Variants in TENM2 observed in about 807,000 individuals in gnomAD.
TENM2 encodes teneurin-2.
In TENM2, 52 loss-of-function variants were observed where a neutral mutation model predicts 245.2. That is an observed-to-expected ratio of 0.21 (90% CI 0.17 to 0.27). The LOEUF is 0.27. Ranked by LOEUF, TENM2 falls within the 10% of genes least tolerant of loss-of-function variation. The pLI is 1.00. For missense variants in TENM2, 3,046 were observed against 3,666.8 expected, an observed-to-expected ratio of 0.83 and a Z score of 4.37; for synonymous variants, 1,363 against 1,438.9, an observed-to-expected ratio of 0.95 and a Z score of 1.19.
At chr5:167,549,774 A>T (rs1772813293) in intron 2 of TENM2, among the ~76,000 whole-genome samples, 1 of 152,030 alleles carries the variant, frequency 6.6e-6, no homozygotes, top group Non-Finnish European at 1.5e-5. Flanking sequence ...TTATAGTGTG[A>T]ATACATTTCC....
At chr5:167,802,656 G>A (rs1321526830) in intron 2 of TENM2, among the ~76,000 whole-genome samples, 10 of 152,120 alleles carry the variant, frequency 6.6e-5, no homozygotes, top group Non-Finnish European at 1.3e-4. Context: ...ACAGCTTGAG[G>A]AAATTAAACC....
At chr5:168,092,185 A>G (rs909235212) in intron 8 of TENM2, among the ~76,000 whole-genome samples, 1 of 152,226 alleles carries the variant, frequency 6.6e-6, no homozygotes, top group African/African-American at 2.4e-5. Context: ...AGTGGCCACA[A>G]CTTCAGAAAG....
At chr5:167,985,577 T>A (rs140016464) in intron 4 of TENM2, among the ~76,000 whole-genome samples, 285 of 152,294 alleles carry the variant, frequency 1.9e-3, no homozygotes, top group African/African-American at 6.5e-3. Context: ...GTGATGAGAT[T>A]GTGGGATACG....
chr5:167,996,266 A>G (rs939696447), intron 5 of TENM2, among the ~76,000 whole-genome samples: 2 of 151,962 alleles, frequency 1.3e-5, no homozygotes, highest in African/African-American at 2.4e-5. Flanking sequence ...CTCAGCAGAG[A>G]TGCCCAGTTC....
At chr5:167,043,738 G>A in the TENM2 span, among the ~76,000 whole-genome samples, 1 of 152,184 alleles carries the variant, frequency 6.6e-6, no homozygotes, top group African/African-American at 2.4e-5. Flanking sequence ...TAAGCCGGGC[G>A]CGGTGGCTCA....
At chr5:167,957,468 T>A (rs2151867619) in intron 4 of TENM2, among the ~76,000 whole-genome samples, 1 of 152,346 alleles carries the variant, frequency 6.6e-6, no homozygotes, top group South Asian at 2.1e-4. Flanking sequence ...CATGTCTCTA[T>A]CTCCTTCAGT....
chr5:168,009,283 C>T (rs73801490), intron 5 of TENM2, among the ~76,000 whole-genome samples: 1 of 152,174 alleles, frequency 6.6e-6, no homozygotes. Context: ...AAAGAAGAAA[C>T]TTGCCTTTTG....
chr5:167,854,175 C>G (rs1770859512), intron 2 of TENM2, among the ~76,000 whole-genome samples: 1 of 152,160 alleles, frequency 6.6e-6, no homozygotes, highest in Non-Finnish European at 1.5e-5. Flanking sequence ...AGATCTCCAT[C>G]TACTCACATA....
intron 2 of TENM2, among the ~76,000 whole-genome samples, chr5:167,741,884 G>T (rs1428380689): frequency 6.6e-6 from 1 of 152,064 alleles, no homozygotes; most frequent in African/African-American, 2.4e-5. Context: ...ACTGTATTAA[G>T]CCTGTGGACA....
intron 2 of TENM2, among the ~76,000 whole-genome samples, chr5:167,802,609 C>T (rs892368050): frequency 6.6e-6 from 1 of 152,142 alleles, no homozygotes; most frequent in African/African-American, 2.4e-5. Context: ...TTAGGCATGT[C>T]AGAATATTTT....
the TENM2 span, among the ~76,000 whole-genome samples, chr5:166,993,801 G>A: frequency 2.0e-5 from 3 of 152,216 alleles, no homozygotes; most frequent in East Asian, 1.9e-4. Flanking sequence ...ACACAATTTC[G>A]GGAGGATATC....
At chr5:167,855,487 T>A (rs1770980143) in intron 2 of TENM2, among the ~76,000 whole-genome samples, 1 of 152,032 alleles carries the variant, frequency 6.6e-6, no homozygotes. Flanking sequence ...TAATTTGCTG[T>A]TGTTTTTGCC....
At position 167,550,705 on chromosome 5, in the gene TENM2, T is replaced by C. The variant is rs1356450852; in HGVS notation, c.502+175232T>C. ...CTTTTTTTTTGTTGTTGTTAGTGTG[T>C]GTGTGTGTGTGTGTGTGTGTGTGTG... On this transcript the variant is annotated intron_variant, in intron 2 of 28. Transcript: ENST00000518659. Among the ~76,000 whole-genome samples the C allele has an allele frequency of 1.6e-4, 6 of 36,576 alleles. 1 individual carries two copies. In the East Asian group the frequency reaches 3.1e-3, roughly 19 times the overall value. The allele number at this position is 36,576 out of a possible 152,430, so 24.0% of individuals were successfully genotyped here.
At chr5:167,786,343 G>T (rs2150868070) in intron 2 of TENM2, among the ~76,000 whole-genome samples, 1 of 152,332 alleles carries the variant, frequency 6.6e-6, no homozygotes, top group African/African-American at 2.4e-5. Context: ...AGCTAACAGA[G>T]TGACTGGACC....
chr5:167,600,058 A>AAAAAAAAAAAAAAAAAAAAG (rs1554088005), intron 2 of TENM2, among the ~76,000 whole-genome samples: 1 of 152,010 alleles, frequency 6.6e-6, no homozygotes, highest in South Asian at 2.1e-4. Flanking sequence ...AGGCGGGAGA[A>AAAAAAAAAAAAAAAAAAAAG]TTGCTTGAAC....
chr5:167,709,148 C>G (rs1028751936), intron 2 of TENM2, among the ~76,000 whole-genome samples: 2 of 152,182 alleles, frequency 1.3e-5, no homozygotes, highest in African/African-American at 2.4e-5. Flanking sequence ...ACTTCTCCCC[C>G]ACCGCCCCAT....
chr5:167,279,756 G>A, the TENM2 span, among the ~76,000 whole-genome samples: 1 of 151,766 alleles, frequency 6.6e-6, no homozygotes, highest in African/African-American at 2.4e-5. Flanking sequence ...CTTCTATTTG[G>A]TTCCTGAGAA....
At chr5:167,278,667 T>A in the TENM2 span, among the ~76,000 whole-genome samples, 1 of 152,164 alleles carries the variant, frequency 6.6e-6, no homozygotes, top group African/African-American at 2.4e-5. Flanking sequence ...ATCATTTTAC[T>A]AGTTTGAATA....
chr5:167,916,073 C>T (rs1344773671), intron 3 of TENM2, among the ~76,000 whole-genome samples: 19 of 152,324 alleles, frequency 1.2e-4, no homozygotes, highest in Admixed American at 1.2e-3. Flanking sequence ...TAACAGATAT[C>T]GTGCACGTGC....
Sources: gnomAD v4.1 joint callset for allele counts (sites outside exome capture counted in the v4.1 genomes callset) on GRCh38, gnomAD v4.1.1 for gene constraint, MANE v1.5 for transcripts, NCBI Gene and HGNC (gene_info 2026-07-23, HGNC 2026-07-21) for gene names.